The following AGBL1 variants were observed in gnomAD, a reference collection of about 807,000 sequenced individuals.
AGBL1 encodes the protein AGBL carboxypeptidase 1, also known as cytosolic carboxypeptidase 4.
Under a neutral mutation model 118.9 loss-of-function variants are expected in AGBL1, and 130 were observed. The observed-to-expected ratio is 1.09, with a 90% CI of 0.95 to 1.26. The LOEUF (loss-of-function observed/expected upper bound fraction) is 1.26, where lower values mean the gene tolerates loss of function less well. AGBL1 is among the 50% of genes most tolerant of loss of function. The pLI is 0.00. For synonymous variants in AGBL1, 555 were observed against 478.9 expected (o/e 1.16, Z -2.08); for missense variants, 1,584 against 1,298.1 (o/e 1.22, Z -3.38).
At chr15:86,603,851 T>G (rs78012002) in intron 21 of AGBL1, among the ~76,000 whole-genome samples, 4,116 of 152,302 alleles carry the variant, frequency 0.027, 106 homozygotes, top group East Asian at 0.13. Context: ...TTGTTGTTGT[T>G]GTTTTTGTTT....
At chr15:86,269,095 G>A (rs576787409) in intron 13 of AGBL1, among the ~76,000 whole-genome samples, 1 of 152,254 alleles carries the variant, frequency 6.6e-6, no homozygotes, top group African/African-American at 2.4e-5. Context: ...GCCTCCTGGG[G>A]TGCTGGAAAT....
intron 23 of AGBL1, among the ~76,000 whole-genome samples, chr15:86,945,755 T>C (rs1271437811): frequency 6.6e-6 from 1 of 152,230 alleles, no homozygotes; most frequent in Non-Finnish European, 1.5e-5. Context: ...TGTGCATATG[T>C]GTGTGCGTGT....
intron 24 of AGBL1, among the ~76,000 whole-genome samples, chr15:87,026,465 G>A (rs2081727661): frequency 6.6e-6 from 1 of 151,988 alleles, no homozygotes; most frequent in South Asian, 2.1e-4. Flanking sequence ...ACTCCTGCAA[G>A]AATGGCCATA....
intron 17 of AGBL1, among the ~76,000 whole-genome samples, chr15:86,318,935 A>G (rs564942966): frequency 2.6e-5 from 4 of 152,180 alleles, no homozygotes. Flanking sequence ...TGAATTTTAT[A>G]TATGTTGATT....
At chr15:86,850,658 CT>C in intron 22 of AGBL1, among the ~76,000 whole-genome samples, 1 of 152,220 alleles carries the variant, frequency 6.6e-6, no homozygotes, top group South Asian at 2.1e-4. Context: ...CTAAATTAAC[CT>C]TGACCATTTC....
intron 22 of AGBL1, among the ~76,000 whole-genome samples, chr15:86,849,500 GCTTTCTTT>G (rs1223975810): frequency 2.9e-4 from 40 of 139,346 alleles, no homozygotes; most frequent in Admixed American, 1.5e-3. Context: ...TAAGGTGATG[GCTTTCTTT>G]CTTTCTTTCT....
chr15:86,637,728 G>C (rs1388065069), intron 21 of AGBL1, among the ~76,000 whole-genome samples: 1 of 152,058 alleles, frequency 6.6e-6, no homozygotes, highest in South Asian at 2.1e-4. Flanking sequence ...TTTGCAGGTA[G>C]AATCAACAAG....
chr15:86,875,729 T>G (rs1247533891), intron 22 of AGBL1, among the ~76,000 whole-genome samples: 2 of 152,184 alleles, frequency 1.3e-5, no homozygotes, highest in Non-Finnish European at 2.9e-5. Flanking sequence ...ACAAAGGGGC[T>G]CCTATTACCA....
At chr15:86,476,262 T>C (rs911347332) in intron 18 of AGBL1, among the ~76,000 whole-genome samples, 12 of 152,038 alleles carry the variant, frequency 7.9e-5, no homozygotes, top group Non-Finnish European at 1.5e-4. Context: ...GGCTAAATGC[T>C]CCAATTAAAA....
At chr15:86,556,460 C>T (rs984334313) in intron 21 of AGBL1, among the ~76,000 whole-genome samples, 1 of 152,304 alleles carries the variant, frequency 6.6e-6, no homozygotes, top group Admixed American at 6.5e-5. Flanking sequence ...TATTAGTTTC[C>T]TCCTTCTCTT....
intron 22 of AGBL1, among the ~76,000 whole-genome samples, chr15:86,794,324 A>T (rs1274297744): frequency 6.6e-6 from 1 of 152,236 alleles, no homozygotes; most frequent in Non-Finnish European, 1.5e-5. Flanking sequence ...CAAAACCATT[A>T]TGCTAAGTGA....
chr15:86,121,683 T>C (rs954803232), intron 1 of AGBL1, among the ~76,000 whole-genome samples: 1 of 152,362 alleles, frequency 6.6e-6, no homozygotes, highest in Admixed American at 6.5e-5. Flanking sequence ...TTTCTAAAAG[T>C]GTCTGCTGTG....
intron 22 of AGBL1, among the ~76,000 whole-genome samples, chr15:86,903,687 T>A (rs2080242296): frequency 6.6e-6 from 1 of 152,156 alleles, no homozygotes; most frequent in Non-Finnish European, 1.5e-5. Context: ...CTGTCAGGTG[T>A]TGGGTGGAAG....
chr15:86,807,836 C>T (rs940758218), intron 22 of AGBL1, among the ~76,000 whole-genome samples: 1 of 152,042 alleles, frequency 6.6e-6, no homozygotes, highest in East Asian at 1.9e-4. Context: ...AAAAATTGTA[C>T]CTACAGTATG....
chr15:86,820,993 C>T (rs187003235), intron 22 of AGBL1, among the ~76,000 whole-genome samples: 30 of 152,112 alleles, frequency 2.0e-4, no homozygotes, highest in East Asian at 1.9e-3. Flanking sequence ...TGGAATACTA[C>T]GGAGCCAAAA....
At chr15:86,965,251 G>A (rs1190272136) in intron 23 of AGBL1, among the ~76,000 whole-genome samples, 2 of 152,114 alleles carry the variant, frequency 1.3e-5, no homozygotes, top group Admixed American at 6.6e-5. Flanking sequence ...CCCACCAACA[G>A]TCTAAAAGCG....
chr15:86,984,944 G>A (rs761516875), intron 23 of AGBL1, among the ~76,000 whole-genome samples: 1 of 152,138 alleles, frequency 6.6e-6, no homozygotes, highest in Non-Finnish European at 1.5e-5. Context: ...GTCAAAATAG[G>A]TTAGTTTGCA....
intron 22 of AGBL1, among the ~76,000 whole-genome samples, chr15:86,720,351 T>C (rs2086699114): frequency 1.3e-5 from 2 of 152,240 alleles, no homozygotes; most frequent in African/African-American, 4.8e-5. Context: ...TCTTCAGTTA[T>C]GTTTACTTTC....
intron 5 of AGBL1, among the ~76,000 whole-genome samples, chr15:86,164,360 A>G (rs931822576): frequency 1.3e-5 from 2 of 152,168 alleles, no homozygotes; most frequent in African/African-American, 4.8e-5. Context: ...TCTGCACTAA[A>G]GCTGTCTTTG....
Sources: allele counts gnomAD v4.1 joint callset (sites outside exome capture counted in the v4.1 genomes callset), GRCh38; gene constraint gnomAD v4.1.1; transcripts MANE v1.5; gene names NCBI Gene and HGNC (gene_info 2026-07-23, HGNC 2026-07-21).